GRAMD1C: variants seen among roughly 807,000 people sequenced by gnomAD.
The protein encoded by GRAMD1C is protein Aster-C.
In GRAMD1C, 89 loss-of-function variants were observed where a neutral mutation model predicts 97.8. The ratio of observed to expected loss-of-function variants is 0.91; its 90% CI spans 0.77 to 1.09. The LOEUF (loss-of-function observed/expected upper bound fraction) is 1.09, where lower values mean the gene tolerates loss of function less well. Ranked by LOEUF, GRAMD1C falls within the 50% of genes least tolerant of loss-of-function variation. GRAMD1C has a pLI of 0.00. For missense variants in GRAMD1C, 740 were observed against 766.4 expected (o/e 0.97, Z 0.41); for synonymous variants, 256 against 267.0 (o/e 0.96, Z 0.40).
At chr3:113,858,394 A>ATTTTT (rs71144094) in intron 2 of GRAMD1C, among the ~76,000 whole-genome samples, 1 of 109,346 alleles carries the variant, frequency 9.1e-6, no homozygotes, top group African/African-American at 3.9e-5. Flanking sequence ...TCCCAGCTAC[A>ATTTTT]TTTTTTTTTT....
chr3:113,850,350 G>A (rs1033015678), intron 2 of GRAMD1C: 23 of 759,628 alleles, frequency 3.0e-5, no homozygotes, highest in South Asian at 6.7e-5. Flanking sequence ...ACAAAACTCC[G>A]TCTGTAGGTA....
Position 113,933,483 on chromosome 3 carries a change from A to G in GRAMD1C, c.1210-28A>G, listed in dbSNP as rs549899187. ...AGATTCATATATTAAGCATATACAT[A>G]CAAACATTTTTTATCTTACTTTGGC... On this transcript the variant is annotated intron_variant, in intron 11 of 17. Transcript: ENST00000358160. The G allele has an allele frequency of 4.6e-5, 71 of 1,557,584 alleles. 1 individual carries two copies. In the Middle Eastern group the frequency reaches 6.7e-4, roughly 15 times the overall value.
At chr3:113,855,501 C>T (rs1166219058) in intron 2 of GRAMD1C, among the ~76,000 whole-genome samples, 1 of 151,584 alleles carries the variant, frequency 6.6e-6, no homozygotes, top group African/African-American at 2.4e-5. Flanking sequence ...GCCAGGAGTT[C>T]GAGATCAGCC....
At chr3:113,911,750 CAG>C (rs550896356) in intron 9 of GRAMD1C, among the ~76,000 whole-genome samples, 215 of 36,588 alleles carry the variant, frequency 5.9e-3, no homozygotes, top group Non-Finnish European at 0.012. Flanking sequence ...TCTTTCCTGA[CAG>C]AGTCTTGCTC....
At chr3:113,937,946 G>T in intron 14 of GRAMD1C, 140 bp from the exon 15 acceptor site, 2 of 528,460 alleles carry the variant, frequency 3.8e-6, no homozygotes, top group South Asian at 4.7e-5. Flanking sequence ...CAGAGGTTGC[G>T]GTGAGCTGAG....
At chr3:113,900,433 T>TATTA (rs1936123127) in intron 6 of GRAMD1C, among the ~76,000 whole-genome samples, 1 of 148,344 alleles carries the variant, frequency 6.7e-6, no homozygotes, top group Non-Finnish European at 1.5e-5. Context: ...TTATTATTAT[T>TATTA]ATTTTGAGAT....
chr3:113,898,938 G>T (rs928680510), intron 6 of GRAMD1C, among the ~76,000 whole-genome samples: 3 of 151,648 alleles, frequency 2.0e-5, no homozygotes, highest in African/African-American at 7.3e-5. Flanking sequence ...CAGACATTTT[G>T]TTCTTAATAT....
chr3:113,843,083 T>G (rs1933435019), intron 1 of GRAMD1C, among the ~76,000 whole-genome samples: 1 of 145,588 alleles, frequency 6.9e-6, no homozygotes, highest in African/African-American at 2.5e-5. Context: ...TTTGTTCTTG[T>G]TGTTTGTTTG....
chr3:113,914,113 T>C (rs1936714893), intron 9 of GRAMD1C, among the ~76,000 whole-genome samples: 2 of 152,180 alleles, frequency 1.3e-5, no homozygotes, highest in Non-Finnish European at 2.9e-5. Flanking sequence ...TTTTCTTCCT[T>C]TGTGAATATT....
chr3:113,904,319 C>T lies in GRAMD1C; in HGVS notation c.789+47C>T, dbSNP rs1219934904. Reference sequence around the variant, plus strand: ...TAAAATATATCTGGTACTGTCATGTCCTAATCAGAATACAAGATAAATAAG... The same window carrying T: ...TAAAATATATCTGGTACTGTCATGTTCTAATCAGAATACAAGATAAATAAG... On this transcript the variant is annotated intron_variant, in intron 8 of 17. Transcript: ENST00000358160. The T allele has an allele frequency of 2.4e-6, 3 of 1,254,192 alleles. No homozygotes were observed. The South Asian group carries it at 3.8e-5, about 16-fold the overall frequency. The allele number at this position is 1,254,192 out of a possible 1,614,324, so 77.7% of individuals were successfully genotyped here.
chr3:113,942,213 T>C (rs1197866132), intron 17 of GRAMD1C, among the ~76,000 whole-genome samples: 21 of 150,288 alleles, frequency 1.4e-4, no homozygotes, highest in Admixed American at 1.4e-3. Flanking sequence ...TGCTCCCAGC[T>C]GCAATTTTTT....
At chr3:113,837,720 CAAAA>C (rs1280369986), upstream of GRAMD1C, among the ~76,000 whole-genome samples, 3 of 93,642 alleles carry the variant, frequency 3.2e-5, no homozygotes, top group Non-Finnish European at 4.2e-5. Flanking sequence ...AACCCTGTCT[CAAAA>C]AACAAACAAA....
intron 9 of GRAMD1C, among the ~76,000 whole-genome samples, chr3:113,913,429 C>CAAAAAAAAAAAAAAAAAAAAAA (rs765510213): frequency 1.5e-5 from 1 of 68,298 alleles, no homozygotes; most frequent in Non-Finnish European, 2.8e-5. Context: ...ACTCTGTCTC[C>CAAAAAAAAAAAAAAAAAAAAAA]AAAAAAAAAA....
At chr3:113,867,451 C>T (rs771899719) in intron 2 of GRAMD1C, among the ~76,000 whole-genome samples, 1 of 151,888 alleles carries the variant, frequency 6.6e-6, no homozygotes, top group East Asian at 1.9e-4. Flanking sequence ...CACCACCACA[C>T]CCGGCTAATT....
upstream of GRAMD1C, among the ~76,000 whole-genome samples, chr3:113,837,403 C>T (rs979217348): frequency 6.6e-6 from 1 of 152,124 alleles, no homozygotes; most frequent in African/African-American, 2.4e-5. Flanking sequence ...CAGGAAGTCC[C>T]AATGACATGT....
intron 1 of GRAMD1C, among the ~76,000 whole-genome samples, chr3:113,842,691 A>C (rs1301864690): frequency 2.0e-5 from 3 of 152,128 alleles, no homozygotes; most frequent in Admixed American, 6.6e-5. Context: ...GGCCAGGTGC[A>C]GTGGCTCACG....
intron 2 of GRAMD1C, among the ~76,000 whole-genome samples, chr3:113,857,281 C>T (rs751864007): frequency 1.4e-4 from 21 of 151,970 alleles, no homozygotes; most frequent in South Asian, 6.2e-4. Context: ...TCTGATCTTG[C>T]GAGGAAATCA....
chr3:113,881,547 T>A (rs1223494466), intron 5 of GRAMD1C, among the ~76,000 whole-genome samples: 2 of 152,236 alleles, frequency 1.3e-5, no homozygotes, highest in Non-Finnish European at 2.9e-5. Flanking sequence ...TCCAGAAAGC[T>A]GGGCGTTTTA....
At chr3:113,834,604 A>G (rs2108060963), upstream of GRAMD1C, among the ~76,000 whole-genome samples, 1 of 152,192 alleles carries the variant, frequency 6.6e-6, no homozygotes, top group South Asian at 2.1e-4. Context: ...TTTAATTTCT[A>G]TGCTATTCTG....
Sources: gnomAD v4.1 joint callset for allele counts (sites outside exome capture counted in the v4.1 genomes callset) on GRCh38, gnomAD v4.1.1 for gene constraint, MANE v1.5 for transcripts, NCBI Gene and HGNC (gene_info 2026-07-23, HGNC 2026-07-21) for gene names.